The following LUZP2 variants were observed in gnomAD, a reference collection of about 807,000 sequenced individuals.
LUZP2 encodes the protein leucine zipper protein 2.
LUZP2 carries 52 observed loss-of-function variants against 51.6 expected under a neutral mutation model. The ratio of observed to expected loss-of-function variants is 1.01; its 90% CI spans 0.81 to 1.27. LUZP2 has a LOEUF of 1.27. Among genes scored for constraint, LUZP2 ranks in the 50% most tolerant of loss-of-function variants. LUZP2 has a pLI of 0.00. For missense variants in LUZP2, 436 were observed against 395.4 expected, an observed-to-expected ratio of 1.10 and a Z score of -0.87; for synonymous variants, 154 against 137.3, an observed-to-expected ratio of 1.12 and a Z score of -0.85.
chr11:24,949,381 G>A (rs1463107571), intron 7 of LUZP2, among the ~76,000 whole-genome samples: 48 of 151,016 alleles, frequency 3.2e-4, no homozygotes, highest in Non-Finnish European at 4.4e-4. Flanking sequence ...TGATTTCTAT[G>A]ACAAACATAA....
At chr11:24,804,103 C>G (rs542576215) in intron 5 of LUZP2, among the ~76,000 whole-genome samples, 13 of 151,918 alleles carry the variant, frequency 8.6e-5, no homozygotes, top group African/African-American at 2.7e-4. Flanking sequence ...TCTGTGGACA[C>G]TAAGTGTCTA....
At chr11:24,995,922 T>A (rs1033082686) in intron 9 of LUZP2, among the ~76,000 whole-genome samples, 1 of 151,784 alleles carries the variant, frequency 6.6e-6, no homozygotes, top group Admixed American at 6.6e-5. Flanking sequence ...CATGACCCAA[T>A]CTTTTTTTTC....
At chr11:24,715,638 G>T (rs768282422) in intron 1 of LUZP2, among the ~76,000 whole-genome samples, 14 of 151,980 alleles carry the variant, frequency 9.2e-5, no homozygotes, top group Admixed American at 7.9e-4. Context: ...CCCACACAAA[G>T]ATATTTTCTT....
chr11:24,922,102 A>T lies in LUZP2; in HGVS notation c.522+7564A>T, dbSNP rs184008421. 1.5e-3 allele frequency among the ~76,000 whole-genome samples: 228 copies of T among 152,226 alleles called. 1 individual carries two copies. Among genetic ancestry groups the T allele is most frequent in the African/African-American group, 5.3e-3 (220 of 41,516 alleles). ...CCTGTTGGGGCATCATGAATTAAGT[A>T]CATTTGCAGGGTTTTATACTTAGTC... On this transcript the variant is annotated intron_variant, in intron 7 of 11. Transcript: ENST00000336930.
chr11:24,960,569 A>T (rs1855362310), intron 7 of LUZP2, among the ~76,000 whole-genome samples: 1 of 151,902 alleles, frequency 6.6e-6, no homozygotes, highest in African/African-American at 2.4e-5. Context: ...AGTAGTTTGT[A>T]TTTCTGTGGG....
At chr11:24,599,729 G>A (rs73433025) in intron 1 of LUZP2, among the ~76,000 whole-genome samples, 3,300 of 152,162 alleles carry the variant, frequency 0.022, 109 homozygotes, top group African/African-American at 0.076. Flanking sequence ...AGAAACATCT[G>A]AGAGTCTCAT....
At chr11:24,818,223 G>A (rs781600091) in intron 5 of LUZP2, among the ~76,000 whole-genome samples, 4 of 152,048 alleles carry the variant, frequency 2.6e-5, no homozygotes, top group Non-Finnish European at 2.9e-5. Flanking sequence ...GGTAGATAAT[G>A]TTTAGGTTTC....
intron 10 of LUZP2, among the ~76,000 whole-genome samples, chr11:25,055,772 AT>A (rs1483563257): frequency 1.3e-5 from 2 of 152,168 alleles, no homozygotes; most frequent in Non-Finnish European, 2.9e-5. Context: ...AAAAGTTAGA[AT>A]TGAAGGTTTG....
At chr11:24,967,589 C>G (rs1855624910) in intron 7 of LUZP2, among the ~76,000 whole-genome samples, 1 of 151,844 alleles carries the variant, frequency 6.6e-6, no homozygotes, top group East Asian at 1.9e-4. Flanking sequence ...TTTCTCTTCA[C>G]TGTTCTTCAG....
intron 9 of LUZP2, among the ~76,000 whole-genome samples, chr11:25,018,220 A>T (rs1177738041): frequency 6.6e-6 from 1 of 151,938 alleles, no homozygotes; most frequent in Non-Finnish European, 1.5e-5. Flanking sequence ...CATCTTTAGG[A>T]TATTCTAGGT....
intron 1 of LUZP2, among the ~76,000 whole-genome samples, chr11:24,532,620 G>T (rs1273764656): frequency 6.6e-6 from 1 of 150,794 alleles, no homozygotes; most frequent in Non-Finnish European, 1.5e-5. Flanking sequence ...TAACTTCTTT[G>T]CTTACATAGT....
intron 7 of LUZP2, among the ~76,000 whole-genome samples, chr11:24,957,597 T>G (rs1211980725): frequency 1.3e-5 from 2 of 152,150 alleles, no homozygotes; most frequent in Non-Finnish European, 2.9e-5. Flanking sequence ...ACGTGTGGTA[T>G]TTGACTTTCT....
At chr11:24,752,718 C>T (rs543291346) in intron 4 of LUZP2, among the ~76,000 whole-genome samples, 1 of 151,542 alleles carries the variant, frequency 6.6e-6, no homozygotes, top group Non-Finnish European at 1.5e-5. Context: ...TTGATTTACT[C>T]TGTTAAAAAA....
intron 1 of LUZP2, among the ~76,000 whole-genome samples, chr11:24,602,801 A>G (rs553810918): frequency 6.6e-6 from 1 of 151,820 alleles, no homozygotes; most frequent in Admixed American, 6.6e-5. Flanking sequence ...GCTCACCAAT[A>G]TGGCTTCCCA....
intron 10 of LUZP2, among the ~76,000 whole-genome samples, chr11:25,077,017 A>G (rs957290661): frequency 6.6e-6 from 1 of 152,186 alleles, no homozygotes; most frequent in Admixed American, 6.5e-5. Flanking sequence ...TTGTAGACAT[A>G]GTAGTTTTAT....
chr11:24,724,072 G>A (rs922846964), intron 1 of LUZP2, among the ~76,000 whole-genome samples: 1 of 152,084 alleles, frequency 6.6e-6, no homozygotes, highest in Non-Finnish European at 1.5e-5. Flanking sequence ...TCAAAGAAAA[G>A]CTTCTAAGGT....
chr11:24,800,636 T>G (rs186682714), intron 5 of LUZP2, among the ~76,000 whole-genome samples: 71 of 152,132 alleles, frequency 4.7e-4, no homozygotes, highest in African/African-American at 1.7e-3. Context: ...CTTATCTTCC[T>G]CATGCATCTC....
chr11:25,015,874 G>A (rs1282880238), intron 9 of LUZP2, among the ~76,000 whole-genome samples: 3 of 149,232 alleles, frequency 2.0e-5, no homozygotes, highest in Non-Finnish European at 4.4e-5. Context: ...TGAACGAATT[G>A]TATAGTAGTG....
chr11:24,584,695 G>C (rs56298814), intron 1 of LUZP2, among the ~76,000 whole-genome samples: 6,512 of 152,184 alleles, frequency 0.043, 216 homozygotes, highest in Non-Finnish European at 0.065. Flanking sequence ...GGTTGGTGGT[G>C]ACATTAGTAT....
Sources: gnomAD v4.1 joint callset for allele counts (sites outside exome capture counted in the v4.1 genomes callset) on GRCh38, gnomAD v4.1.1 for gene constraint, MANE v1.5 for transcripts, NCBI Gene and HGNC (gene_info 2026-07-23, HGNC 2026-07-21) for gene names.